The following CPNE8 variants were observed in gnomAD, a reference collection of about 807,000 sequenced individuals.
The protein encoded by CPNE8 is copine-8.
CPNE8 carries 45 observed loss-of-function variants against 81.5 expected under a neutral mutation model. The observed-to-expected ratio is 0.55, with a 90% CI of 0.44 to 0.71. The LOEUF is 0.71. CPNE8 is among the 30% of genes least tolerant of loss of function. The probability of loss-of-function intolerance (pLI) is 0.00; values close to 1 mark genes in which losing one functional copy is unlikely to be tolerated. For missense variants in CPNE8, 594 were observed against 672.1 expected (o/e 0.88, Z 1.28); for synonymous variants, 252 against 226.3 (o/e 1.11, Z -1.02).
intron 10 of CPNE8, among the ~76,000 whole-genome samples, chr12:38,731,191 C>A (rs941687861): frequency 1.3e-5 from 2 of 151,792 alleles, no homozygotes; most frequent in African/African-American, 4.8e-5. Context: ...AAATGTAGCA[C>A]GTTAGAAGAA....
Position 38,724,856 on chromosome 12 carries a change from T to G in CPNE8, c.842A>C (p.Asn281Thr), listed in dbSNP as rs763926325. 31 of 1,477,544 alleles carry G rather than the reference T, an allele frequency of 2.1e-5. No homozygotes were observed. Among genetic ancestry groups the G allele is most frequent in the Non-Finnish European group, 2.7e-5 (29 of 1,065,192 alleles). The allele number at this position is 1,477,544 out of a possible 1,614,324, so 91.5% of individuals were successfully genotyped here. Residue 281 changes from asparagine (N) to threonine (T), a missense_variant, in exon 12 of 20, where the codon AAT becomes ACT. Physicochemically the swap from Asn to Thr is moderately conservative, Grantham distance 65. Transcript: ENST00000331366. ...TAAAATTTGACTTACTGTTCCAGAATTAGTATATTTTTTCTTTTTTCCTTT... is the reference window on the plus strand; with the variant it reads ...TAAAATTTGACTTACTGTTCCAGAAGTAGTATATTTTTTCTTTTTTCCTTT... ...KKKGKKKKYT[N>T]SGTVTLLSFL...
intron 1 of CPNE8, among the ~76,000 whole-genome samples, chr12:38,886,354 A>C (rs573828959): frequency 6.6e-6 from 1 of 152,356 alleles, no homozygotes; most frequent in South Asian, 2.1e-4. Context: ...GTAAGTAAAT[A>C]TAAAGTGCTT....
At chr12:38,795,757 G>A (rs906071309) in intron 6 of CPNE8, among the ~76,000 whole-genome samples, 3 of 152,090 alleles carry the variant, frequency 2.0e-5, no homozygotes, top group Non-Finnish European at 2.9e-5. Flanking sequence ...CAGAGTTTCA[G>A]TTTTGTAAGA....
chr12:38,673,862 T>TG (rs1198733525), intron 18 of CPNE8, among the ~76,000 whole-genome samples: 17 of 152,056 alleles, frequency 1.1e-4, no homozygotes, highest in Admixed American at 6.6e-5. Flanking sequence ...TTTCTCTCGG[T>TG]GGCATGCTTA....
At chr12:38,703,797 A>G (rs890004758) in intron 13 of CPNE8, among the ~76,000 whole-genome samples, 5 of 152,190 alleles carry the variant, frequency 3.3e-5, no homozygotes, top group East Asian at 1.9e-4. Context: ...TTATATACCA[A>G]TAATGTTCAA....
At chr12:38,886,185 C>G (rs1944234705) in intron 1 of CPNE8, among the ~76,000 whole-genome samples, 4 of 152,188 alleles carry the variant, frequency 2.6e-5, no homozygotes. Context: ...CTTGTCATCA[C>G]CTGGCAGGGT....
At chr12:38,893,588 TC>T (rs1944343607) in intron 1 of CPNE8, among the ~76,000 whole-genome samples, 1 of 152,220 alleles carries the variant, frequency 6.6e-6, no homozygotes, top group African/African-American at 2.4e-5. Flanking sequence ...GGTTAGCCCT[TC>T]TTTTATTCCT....
intron 5 of CPNE8, among the ~76,000 whole-genome samples, chr12:38,838,920 G>A (rs141586539): frequency 5.9e-5 from 9 of 151,778 alleles, no homozygotes; most frequent in East Asian, 1.9e-4. Context: ...TCTCTTTTCC[G>A]AATTATTACA....
intron 6 of CPNE8, 105 bp from the exon 7 acceptor site, chr12:38,776,406 TATA>T (rs1941937483): frequency 3.3e-6 from 1 of 307,162 alleles, no homozygotes; most frequent in South Asian, 1.1e-4. Flanking sequence ...ATAAAGAGCA[TATA>T]ATAATAACAT....
At chr12:38,862,187 A>G (rs1565652624) in intron 3 of CPNE8, among the ~76,000 whole-genome samples, 1 of 152,050 alleles carries the variant, frequency 6.6e-6, no homozygotes, top group African/African-American at 2.4e-5. Flanking sequence ...ATGCACCATA[A>G]GCACATGTGG....
chr12:38,716,855 C>G (rs1367542397), intron 13 of CPNE8, among the ~76,000 whole-genome samples: 1 of 152,032 alleles, frequency 6.6e-6, no homozygotes, highest in Non-Finnish European at 1.5e-5. Context: ...AACAGACAAC[C>G]CACACAGTGG....
At chr12:38,847,960 T>A (rs1232247148) in intron 4 of CPNE8, among the ~76,000 whole-genome samples, 1 of 152,024 alleles carries the variant, frequency 6.6e-6, no homozygotes, top group Non-Finnish European at 1.5e-5. Flanking sequence ...ACTTCAACAA[T>A]CACTACAGTT....
chr12:38,708,794 A>G (rs1413544378), intron 13 of CPNE8, among the ~76,000 whole-genome samples: 2 of 152,230 alleles, frequency 1.3e-5, no homozygotes, highest in African/African-American at 4.8e-5. Flanking sequence ...CTAGACACAC[A>G]TATACACATA....
chr12:38,865,684 G>A (rs942433526), intron 3 of CPNE8, among the ~76,000 whole-genome samples: 2 of 152,084 alleles, frequency 1.3e-5, no homozygotes, highest in East Asian at 3.9e-4. Flanking sequence ...GGTTACCTGG[G>A]TGTGTTTACT....
chr12:38,874,838 C>A (rs1944044739), intron 1 of CPNE8, among the ~76,000 whole-genome samples: 1 of 152,104 alleles, frequency 6.6e-6, no homozygotes, highest in African/African-American at 2.4e-5. Context: ...TTTAATCCTT[C>A]ATTAAGAATA....
rs760970186 is a variant in CPNE8 at position 38,872,992 on chromosome 12, T to A, written c.186+12A>T. 12 of 1,467,822 alleles carry A rather than the reference T, an allele frequency of 8.2e-6. No homozygotes were observed. The highest frequency in any genetic ancestry group is 1.4e-5 in the African/African-American group (1 of 71,296). The allele number at this position is 1,467,822 out of a possible 1,614,324, so 90.9% of individuals were successfully genotyped here. A position where few individuals can be genotyped will look rare whatever the true frequency, so the allele number is the denominator to read the frequency against. ...AAGCCCAGTGATTTTTTTAAAAAAGTTTTAAACTTACCTCTCTCCATTCTT... is the reference window on the plus strand; with the variant it reads ...AAGCCCAGTGATTTTTTTAAAAAAGATTTAAACTTACCTCTCTCCATTCTT... On this transcript the variant is annotated intron_variant, in intron 3 of 19. Transcript: ENST00000331366.
intron 7 of CPNE8, among the ~76,000 whole-genome samples, chr12:38,773,919 C>G (rs1941864356): frequency 6.6e-6 from 1 of 151,774 alleles, no homozygotes; most frequent in African/African-American, 2.4e-5. Context: ...ACATAGAAAA[C>G]ATAAGATGAA....
intron 1 of CPNE8, among the ~76,000 whole-genome samples, chr12:38,898,397 T>G (rs1944416360): frequency 6.6e-6 from 1 of 152,106 alleles, no homozygotes; most frequent in Non-Finnish European, 1.5e-5. Context: ...ACTGAAACTC[T>G]GGGGCTAAGA....
At chr12:38,769,572 TA>T (rs1941758588) in intron 7 of CPNE8, among the ~76,000 whole-genome samples, 1 of 152,190 alleles carries the variant, frequency 6.6e-6, no homozygotes, top group East Asian at 1.9e-4. Context: ...AATGGCTTTC[TA>T]AGAACATGGG....
Sources: gnomAD v4.1 joint callset for allele counts (sites outside exome capture counted in the v4.1 genomes callset) on GRCh38, gnomAD v4.1.1 for gene constraint, MANE v1.5 for transcripts, NCBI Gene and HGNC (gene_info 2026-07-23, HGNC 2026-07-21) for gene names.